The following ULK2 variants were observed in gnomAD, a reference collection of about 807,000 sequenced individuals.
ULK2 encodes the protein serine/threonine-protein kinase ULK2.
In ULK2, 76 loss-of-function variants were observed where a neutral mutation model predicts 127.5. The observed-to-expected ratio is 0.60, with a 90% CI of 0.50 to 0.72. The LOEUF (loss-of-function observed/expected upper bound fraction) is 0.72, where lower values mean the gene tolerates loss of function less well. Ranked by LOEUF, ULK2 falls within the 30% of genes least tolerant of loss-of-function variation. The pLI, the probability that ULK2 is intolerant of heterozygous loss-of-function variation, is 0.00. For synonymous variants in ULK2, 452 were observed against 461.9 expected (o/e 0.98, Z 0.28); for missense variants, 1,144 against 1,295.9 (o/e 0.88, Z 1.80).
chr17:19,796,366 C>T (rs2087272554), intron 18 of ULK2, 84 bp from the exon 19 acceptor site: 5 of 1,277,308 alleles, frequency 3.9e-6, no homozygotes, highest in Non-Finnish European at 5.2e-6. Flanking sequence ...TTGTGTGACC[C>T]AGTAGTCAGG....
At chr17:19,825,025 G>T in intron 12 of ULK2, 69 bp downstream of exon 12, 1 of 1,357,338 alleles carries the variant, frequency 7.4e-7, no homozygotes, top group Non-Finnish European at 1.0e-6. Context: ...CAGTGTATGT[G>T]CATGCTCCAT....
intron 7 of ULK2, among the ~76,000 whole-genome samples, chr17:19,844,297 T>C (rs936668756): frequency 3.9e-5 from 6 of 152,154 alleles, no homozygotes; most frequent in African/African-American, 1.4e-4. Flanking sequence ...CATTTCCTTT[T>C]AACTTTAATT....
intron 8 of ULK2, among the ~76,000 whole-genome samples, 161 bp downstream of exon 8, chr17:19,842,960 G>A (rs1467102921): frequency 6.6e-6 from 1 of 152,142 alleles, no homozygotes; most frequent in African/African-American, 2.4e-5. Flanking sequence ...ACCAAAAGAC[G>A]TTCTGACTCA....
At position 19,775,104 on chromosome 17, in the gene ULK2, G is replaced by T. The variant is rs549698850; in HGVS notation, c.*1245C>A. The stretch of plus-strand genomic sequence containing the variant: ...TTATGTAAAAGGATTAAAATAAAAG[G>T]ATTAAAATTGGTGAATGGTTTATTC... On this transcript the variant is annotated 3_prime_UTR_variant, in exon 27 of 27. Coordinates refer to ENST00000395544, the MANE Select transcript of ULK2 (RefSeq NM_014683.4). The T allele has an allele frequency of 2.0e-5, 3 of 152,718 alleles. No individual in the cohort carries two copies. Among genetic ancestry groups the T allele is most frequent in the African/African-American group, 4.8e-5 (2 of 41,558 alleles). The allele number at this position is 152,718 out of a possible 1,614,324, so 9.5% of individuals were successfully genotyped here.
chr17:19,852,498 G>A (rs1456906195), intron 3 of ULK2, among the ~76,000 whole-genome samples: 2 of 129,210 alleles, frequency 1.5e-5, no homozygotes, highest in Non-Finnish European at 3.2e-5. Flanking sequence ...TAGCCTGGGT[G>A]ACAGAGCGAG....
At chr17:19,837,420 C>CA (rs2041625537) in intron 10 of ULK2, among the ~76,000 whole-genome samples, 1 of 151,992 alleles carries the variant, frequency 6.6e-6, no homozygotes, top group South Asian at 2.1e-4. Context: ...AACCCTGTCT[C>CA]AAAAAATATA....
chr17:19,785,431 T>A (rs991356848), intron 21 of ULK2, among the ~76,000 whole-genome samples: 1 of 151,984 alleles, frequency 6.6e-6, no homozygotes, highest in Admixed American at 6.6e-5. Context: ...CACGCTGGTC[T>A]CGAGTTCCTG....
chr17:19,828,411 G>A (rs1472642380), intron 10 of ULK2, among the ~76,000 whole-genome samples: 1 of 152,134 alleles, frequency 6.6e-6, no homozygotes, highest in Non-Finnish European at 1.5e-5. Flanking sequence ...ACTTTCTACA[G>A]AGTTTAAAAG....
chr17:19,817,338 C>T (rs2041015972), intron 12 of ULK2, among the ~76,000 whole-genome samples: 1 of 152,116 alleles, frequency 6.6e-6, no homozygotes, highest in Non-Finnish European at 1.5e-5. Context: ...CTTACACACA[C>T]ACGTTTTAAA....
chr17:19,804,670 C>A, intron 15 of ULK2, 23 bp downstream of exon 15: 1 of 1,549,916 alleles, frequency 6.5e-7, no homozygotes, highest in Non-Finnish European at 8.7e-7. Flanking sequence ...AAGAATTAAG[C>A]AAGAAAAAAG....
intron 20 of ULK2, among the ~76,000 whole-genome samples, chr17:19,791,514 G>T (rs1021228845): frequency 6.6e-6 from 1 of 152,036 alleles, no homozygotes; most frequent in African/African-American, 2.4e-5. Context: ...GTGAAACCCC[G>T]TCTCTACTAA....
intron 8 of ULK2, among the ~76,000 whole-genome samples, chr17:19,842,198 T>A (rs1010548940): frequency 6.9e-6 from 1 of 144,934 alleles, no homozygotes; most frequent in African/African-American, 2.6e-5. Flanking sequence ...TTCTTTTTTT[T>A]TTTTTTTTTT....
rs1214284965 is a variant in ULK2, at chr17:19,775,061, CAA to C, written c.*1286_*1287del. On this transcript the variant is annotated 3_prime_UTR_variant, in exon 27 of 27. Coordinates refer to ENST00000395544, the MANE Select transcript of ULK2 (RefSeq NM_014683.4). ...TGCCAAAGAGCTCTGTGCAATTTGT[CAA>C]AGAGTTCAGATTATTTTATGTAAAA... The C allele has an allele frequency of 2.0e-5, 3 of 152,586 alleles. No homozygotes were observed. Among genetic ancestry groups the C allele is most frequent in the East Asian group, 1.9e-4 (1 of 5,186 alleles). The allele number at this position is 152,586 out of a possible 1,614,324, so 9.5% of individuals were successfully genotyped here.
At position 19,796,154 on chromosome 17, in the gene ULK2, G is replaced by A; in HGVS notation, c.1938C>T (p.Leu646=). 1 of 1,614,168 alleles carries A rather than the reference G, an allele frequency of 6.2e-7. No homozygotes were observed. The highest frequency in any genetic ancestry group is 8.5e-7 in the Non-Finnish European group (1 of 1,180,044). Residue 646 remains leucine, a synonymous_variant, in exon 19 of 27, where the codon CTC becomes CTT. Transcript: ENST00000395544. The part of the protein sequence containing the change: ...GNEPRECAHC[L]LVQGSERQRA... Reference sequence around the variant, plus strand: ...GCTGCCTCTCACTTCCTTGCACTAAGAGGCAATGGGCACATTCCCGTGGCT... The same window carrying A: ...GCTGCCTCTCACTTCCTTGCACTAAAAGGCAATGGGCACATTCCCGTGGCT...
chr17:19,795,057 C>T (rs909192261), intron 20 of ULK2, among the ~76,000 whole-genome samples: 3 of 151,648 alleles, frequency 2.0e-5, no homozygotes, highest in South Asian at 4.2e-4. Context: ...CCAACCTGGG[C>T]GACTGAGCGA....
chr17:19,788,080 C>CA (rs2152383341), intron 20 of ULK2, among the ~76,000 whole-genome samples: 1 of 152,276 alleles, frequency 6.6e-6, no homozygotes, highest in African/African-American at 2.4e-5. Context: ...TGAGTTTCTG[C>CA]AAGCCTCACC....
chr17:19,824,611 G>C (rs1189284780), intron 12 of ULK2, among the ~76,000 whole-genome samples: 1 of 152,032 alleles, frequency 6.6e-6, no homozygotes, highest in Non-Finnish European at 1.5e-5. Flanking sequence ...GAAGAGGTTT[G>C]AGTAGAAGCC....
Position 19,846,776 on chromosome 17 carries a change from G to A in ULK2, c.430C>T (p.Arg144Cys), listed in dbSNP as rs138430842. Reference sequence around the variant, plus strand: ...ATACCACTGACACTTGATTTTCTGCGATTGGCATAGGACAGCAAGATGTTC... The same window carrying A: ...ATACCACTGACACTTGATTTTCTGCAATTGGCATAGGACAGCAAGATGTTC... ...PQNILLSYAN[R>C]RKSSVSGIRI... Residue 144 changes from arginine to cysteine, a missense_variant, in exon 6 of 27, where the codon CGC (arginine) becomes TGC (cysteine). Arg to Cys is a radical substitution (Grantham distance 180, BLOSUM62 -3). Around this residue, in one of 2 missense-constraint regions of ULK2, gnomAD observed 231 missense variants for 325.4 expected, o/e 0.71. Transcript: ENST00000395544. 67 of 1,611,564 alleles carry A rather than the reference G, an allele frequency of 4.2e-5. No homozygotes were observed. Among genetic ancestry groups the A allele is most frequent in the Non-Finnish European group, 4.7e-5 (55 of 1,179,112 alleles).
Position 19,797,445 on chromosome 17 carries a change from T to G in ULK2, c.1760A>C (p.Asp587Ala), listed in dbSNP as rs1464842462. 1 of 1,613,902 alleles carries G rather than the reference T, an allele frequency of 6.2e-7. No individual in the cohort carries two copies. Among genetic ancestry groups the G allele is most frequent in the South Asian group, 1.1e-5 (1 of 91,040 alleles). ...TGGCAAAGGAGTTTTAAAGAACCAG[T>G]CAGAACTCCGTGGAGAGGACCCCAA... ...KHLGSSPRSS[D>A]WFFKTPLPTI... The change falls in exon 18 of 27, where the codon GAC (aspartate) becomes GCC (alanine). Residue 587 changes from aspartate to alanine, a missense_variant. This residue lies in a region of ULK2 where 913 missense variants were observed against 970.5 expected (regional missense o/e 0.94). Coordinates refer to ENST00000395544, the MANE Select transcript of ULK2 (RefSeq NM_014683.4).
Sources: allele counts gnomAD v4.1 joint callset (sites outside exome capture counted in the v4.1 genomes callset), GRCh38; gene constraint gnomAD v4.1.1; regional missense constraint gnomAD v4.1.1; transcripts MANE v1.5; gene names NCBI Gene and HGNC (gene_info 2026-07-23, HGNC 2026-07-21).